The following PHACTR3 variants were observed in gnomAD, a reference collection of about 807,000 sequenced individuals.
PHACTR3 encodes the protein protein phosphatase 1, regulatory subunit 123.
Under a neutral mutation model 66.8 loss-of-function variants are expected in PHACTR3, and 16 were observed. The ratio of observed to expected loss-of-function variants is 0.24; its 90% CI spans 0.16 to 0.36. PHACTR3 has a LOEUF of 0.36. Among genes scored for constraint, PHACTR3 ranks in the 10% least tolerant of loss-of-function variants. The pLI, the probability that PHACTR3 is intolerant of heterozygous loss-of-function variation, is 1.00. For synonymous variants in PHACTR3, 323 were observed against 292.1 expected (o/e 1.11, Z -1.08); for missense variants, 647 against 719.9 (o/e 0.90, Z 1.16).
At chr20:59,605,846 C>CGGGGGGGG (rs200107140) in intron 1 of PHACTR3, among the ~76,000 whole-genome samples, 2 of 7,762 alleles carry the variant, frequency 2.6e-4, no homozygotes, top group African/African-American at 1.8e-3. Flanking sequence ...CCTAATAAAG[C>CGGGGGGGG]GGGGGGGGAG....
intron 1 of PHACTR3, among the ~76,000 whole-genome samples, chr20:59,671,156 C>G (rs949099301): frequency 6.6e-6 from 1 of 152,160 alleles, no homozygotes; most frequent in South Asian, 2.1e-4. Context: ...TGGAAAATCA[C>G]AGGAGCCAAC....
intron 4 of PHACTR3, among the ~76,000 whole-genome samples, chr20:59,762,090 G>A (rs1255207874): frequency 1.3e-5 from 2 of 152,248 alleles, no homozygotes; most frequent in Non-Finnish European, 2.9e-5. Flanking sequence ...AGGAGGGAGG[G>A]AGAGAGGAGA....
intron 1 of PHACTR3, among the ~76,000 whole-genome samples, chr20:59,679,815 A>G (rs980982298): frequency 3.0e-4 from 45 of 152,176 alleles, no homozygotes; most frequent in African/African-American, 9.7e-4. Flanking sequence ...CTTATTCACT[A>G]CCACAAGAAC....
At chr20:59,654,215 T>G (rs998894168) in intron 1 of PHACTR3, among the ~76,000 whole-genome samples, 8 of 152,208 alleles carry the variant, frequency 5.3e-5, no homozygotes, top group Non-Finnish European at 1.2e-4. Context: ...TTCTGAAAGT[T>G]GCTAAAAAAG....
intron 7 of PHACTR3, among the ~76,000 whole-genome samples, chr20:59,804,026 C>T (rs1401870280): frequency 6.6e-6 from 1 of 152,194 alleles, no homozygotes; most frequent in Non-Finnish European, 1.5e-5. Context: ...TTAATTCAAT[C>T]AGTGGGTAGA....
intron 1 of PHACTR3, among the ~76,000 whole-genome samples, chr20:59,650,145 CAA>C (rs2035414825): frequency 1.3e-5 from 2 of 151,904 alleles, no homozygotes; most frequent in African/African-American, 4.8e-5. Context: ...ACACATGAAA[CAA>C]AGAAATATTT....
intron 1 of PHACTR3, among the ~76,000 whole-genome samples, chr20:59,596,971 C>T (rs750406509): frequency 6.6e-6 from 1 of 152,248 alleles, no homozygotes; most frequent in Non-Finnish European, 1.5e-5. Flanking sequence ...GCAGACTGGG[C>T]CAAGCCATCC....
At chr20:59,656,896 A>G (rs1216188509) in intron 1 of PHACTR3, among the ~76,000 whole-genome samples, 1 of 151,968 alleles carries the variant, frequency 6.6e-6, no homozygotes, top group African/African-American at 2.4e-5. Context: ...TAGATATAGA[A>G]ACATTACTCC....
At chr20:59,705,469 A>G (rs4484082) in intron 1 of PHACTR3, among the ~76,000 whole-genome samples, 7,275 of 152,202 alleles carry the variant, frequency 0.048, 560 homozygotes, top group African/African-American at 0.16. Flanking sequence ...TCATTTTGTA[A>G]CCTTAAAAGA....
intron 1 of PHACTR3, among the ~76,000 whole-genome samples, chr20:59,606,719 T>A (rs1231491968): frequency 6.6e-6 from 1 of 152,138 alleles, no homozygotes; most frequent in African/African-American, 2.4e-5. Context: ...TGGCTGTATG[T>A]GAGTTTATGC....
chr20:59,787,441 G>C (rs1016278429), intron 7 of PHACTR3, among the ~76,000 whole-genome samples: 1 of 152,230 alleles, frequency 6.6e-6, no homozygotes, highest in African/African-American at 2.4e-5. Flanking sequence ...AAGGGAAGAA[G>C]ACAGGCAGAG....
At position 59,592,601 on chromosome 20, in the gene PHACTR3, A is replaced by G. The variant is rs1357930551; in HGVS notation, c.109+14984A>G. Among the ~76,000 whole-genome samples the G allele has an allele frequency of 5.3e-5, 8 of 152,314 alleles. No individual in the cohort carries two copies. In the South Asian group the frequency reaches 1.0e-3, roughly 20 times the overall value. On this transcript the variant is annotated intron_variant, in intron 1 of 12. Transcript: ENST00000359926. ...AATGACACCTACCCCTCATTATAGT[A>G]TCATACAGATACTGCCCTACAAATC...
chr20:59,581,340 C>T (rs1204056331), intron 1 of PHACTR3, among the ~76,000 whole-genome samples: 1 of 152,226 alleles, frequency 6.6e-6, no homozygotes, highest in East Asian at 1.9e-4. Context: ...CTTCGTTTCT[C>T]TCCTTTCCCC....
At chr20:59,630,513 T>C (rs1874087081) in intron 1 of PHACTR3, among the ~76,000 whole-genome samples, 1 of 152,260 alleles carries the variant, frequency 6.6e-6, no homozygotes, top group Admixed American at 6.5e-5. Context: ...AAATATTGCA[T>C]TTCCATTAAA....
At chr20:59,701,139 T>G (rs534458645) in intron 1 of PHACTR3, among the ~76,000 whole-genome samples, 1 of 152,266 alleles carries the variant, frequency 6.6e-6, no homozygotes, top group South Asian at 2.1e-4. Context: ...ATGAAACAGA[T>G]CCGACCCACA....
intron 1 of PHACTR3, among the ~76,000 whole-genome samples, chr20:59,714,176 CA>C (rs1235931398): frequency 6.6e-6 from 1 of 152,138 alleles, no homozygotes; most frequent in Non-Finnish European, 1.5e-5. Flanking sequence ...CCTTTACATT[CA>C]CTTAATTATA....
In PHACTR3 at chr20:59,703,180, C is replaced by T. The variant is rs891217424; in HGVS notation, c.119-39927C>T. On this transcript the variant is annotated intron_variant, in intron 1 of 12. Transcript: ENST00000371015. ...CATAATTCCCATTTTCTTGTCAGTACTTCCAAGCATGAATAGCCTTTTTTT... is the reference window on the plus strand; with the variant it reads ...CATAATTCCCATTTTCTTGTCAGTATTTCCAAGCATGAATAGCCTTTTTTT... Among the ~76,000 whole-genome samples, 4 of 152,148 alleles carry T rather than the reference C, an allele frequency of 2.6e-5. No homozygotes were observed. In the East Asian group the frequency reaches 7.7e-4, roughly 29 times the overall value.
At chr20:59,823,015 G>A (rs1395031032) in intron 8 of PHACTR3, among the ~76,000 whole-genome samples, 3 of 152,232 alleles carry the variant, frequency 2.0e-5, no homozygotes, top group Non-Finnish European at 4.4e-5. Context: ...AAGGAGGAAA[G>A]CGGAAGGAGC....
intron 1 of PHACTR3, among the ~76,000 whole-genome samples, chr20:59,606,879 G>T (rs756533387): frequency 1.8e-4 from 28 of 152,316 alleles, no homozygotes; most frequent in Non-Finnish European, 3.5e-4. Flanking sequence ...GGGACCCAGA[G>T]AACAGGTGTC....
Sources: gnomAD v4.1 joint callset for allele counts (sites outside exome capture counted in the v4.1 genomes callset) on GRCh38, gnomAD v4.1.1 for gene constraint, MANE v1.5 for transcripts, NCBI Gene and HGNC (gene_info 2026-07-23, HGNC 2026-07-21) for gene names.